BEGAIN: variants seen among roughly 807,000 people sequenced by gnomAD.
BEGAIN encodes the protein brain enriched guanylate kinase associated, also known as brain-enriched guanylate kinase-associated protein.
In BEGAIN, 19 loss-of-function variants were observed where a neutral mutation model predicts 35.8. The observed-to-expected ratio is 0.53, with a 90% confidence interval of 0.37 to 0.78. The LOEUF (loss-of-function observed/expected upper bound fraction) is 0.78. Ranked by LOEUF, BEGAIN falls within the 30% of genes least tolerant of loss-of-function variation. The pLI is 0.00. For missense variants in BEGAIN, 795 were observed against 853.6 expected (o/e 0.93, Z 0.85); for synonymous variants, 462 against 388.6 (o/e 1.19, Z -2.22).
In BEGAIN at chr14:100,568,062, C is replaced by G. The variant is rs1488985383; in HGVS notation, c.43-123G>C. ...CGCGGGGCCCCGTCCGTGGGAAGCC[C>G]GGCGCCGCGCGTCCCCAGCTTCCAG... On this transcript the variant is annotated intron_variant, in intron 1 of 6. Transcript: ENST00000554140. This position sits in a 1 kb window ranked among gnomAD's most constrained non-coding sequence, Gnocchi z 7.5. 2 of 1,098,276 alleles carry G rather than the reference C, an allele frequency of 1.8e-6. No homozygotes were observed. Among genetic ancestry groups the G allele is most frequent in the South Asian group, 8.7e-5 (2 of 23,074 alleles). 68.0% of individuals were successfully genotyped at this position (1,098,276 alleles called of 1,614,324 possible). A position where few individuals can be genotyped will look rare whatever the true frequency, so the allele number is the denominator to read the frequency against.
At position 100,554,824 on chromosome 14, in the gene BEGAIN, C is replaced by T. The variant is rs555473598; in HGVS notation, c.72-8162G>A. ...TACCAAGACTAAAAGGCCAGTTCCT[C>T]ACCCCAAATTCCTGTCCCCAGGGAC... On this transcript the variant is annotated intron_variant, in intron 2 of 6. Transcript: ENST00000554140. 1.4e-3 allele frequency among the ~76,000 whole-genome samples: 216 copies of T among 152,350 alleles called. 1 individual carries two copies. The highest frequency in any genetic ancestry group is 4.9e-3 in the African/African-American group (203 of 41,580).
In BEGAIN at chr14:100,538,935, C is replaced by G. The variant is rs988115362; in HGVS notation, c.873G>C (p.Glu291Asp). The change falls in exon 7 of 7, where the codon GAG (glutamate) becomes GAC (aspartate). Residue 291 changes from glutamate (E) to aspartate (D), a missense_variant. By Grantham distance (45) the Glu-to-Asp change is conservative. This residue lies in a region of BEGAIN where 664 missense variants were observed against 647.7 expected (regional missense o/e 1.03). Coordinates refer to ENST00000554140, the MANE Select transcript of BEGAIN (RefSeq NM_001385089.1). ...CCGCCGGGAAGGCCGCCGCCTCGGC[C>G]TCCTCCTCCTCCTCGGCCGCGCTGT... ...STDSAAEEEE[E>D]AEAAAFPAGF... 6.2e-6 allele frequency: 8 copies of G among 1,283,186 alleles called. No homozygotes were observed. Among genetic ancestry groups the G allele is most frequent in the Non-Finnish European group, 1.1e-6 (1 of 944,842 alleles). 79.5% of individuals were successfully genotyped at this position (1,283,186 alleles called of 1,614,324 possible).
At position 100,568,159 on chromosome 14, in the gene BEGAIN, C is replaced by T; in HGVS notation, c.43-220G>A. ...CGAGTAACAGGTGAGCCCGCCCGGGCCGCCGCGCTCCCCGCACCGAGTTAC... is the reference window on the plus strand; with the variant it reads ...CGAGTAACAGGTGAGCCCGCCCGGGTCGCCGCGCTCCCCGCACCGAGTTAC... On this transcript the variant is annotated intron_variant, in intron 1 of 6. Transcript: ENST00000554140. This position sits in a 1 kb window ranked among gnomAD's most constrained non-coding sequence, Gnocchi z 7.5. 1.1e-6 allele frequency: 1 copy of T among 917,946 alleles called. No individual in the cohort carries two copies. Among genetic ancestry groups the T allele is most frequent in the Non-Finnish European group, 1.3e-6 (1 of 764,480 alleles). 56.9% of individuals were successfully genotyped at this position (917,946 alleles called of 1,614,324 possible).
In BEGAIN at chr14:100,568,273, C is replaced by G. The variant is rs892961663; in HGVS notation, c.43-334G>C. ...CCGGAGGAGGGGGACTCGGCCTGTCCCCGTTAACTCTCCGGCGGCCGCGGC... is the reference window on the plus strand; with the variant it reads ...CCGGAGGAGGGGGACTCGGCCTGTCGCCGTTAACTCTCCGGCGGCCGCGGC... On this transcript the variant is annotated intron_variant, in intron 1 of 6. Transcript: ENST00000554140. The surrounding 1 kb of genome is among the most constrained non-coding windows in gnomAD (Gnocchi z 7.5). The G allele has an allele frequency of 1.5e-6, 1 of 682,652 alleles. No homozygotes were observed. The highest frequency in any genetic ancestry group is 2.1e-6 in the Non-Finnish European group (1 of 467,714). The allele number at this position is 682,652 out of a possible 1,614,324, so 42.3% of individuals were successfully genotyped here.
At chr14:100,585,464 C>T (rs1435236544) in intron 1 of BEGAIN, among the ~76,000 whole-genome samples, 2 of 142,096 alleles carry the variant, frequency 1.4e-5, no homozygotes, top group African/African-American at 5.4e-5. Flanking sequence ...ATCCATTCAT[C>T]CATCCATCCA....
At chr14:100,583,628 TTC>T (rs549314318) in intron 1 of BEGAIN, among the ~76,000 whole-genome samples, 12 of 150,672 alleles carry the variant, frequency 8.0e-5, no homozygotes, top group South Asian at 2.1e-4. Flanking sequence ...CTATCCCTCT[TTC>T]TCTCTTTCTT....
chr14:100,581,106 G>A (rs1001929502), intron 1 of BEGAIN, among the ~76,000 whole-genome samples: 3 of 152,122 alleles, frequency 2.0e-5, no homozygotes, highest in East Asian at 1.9e-4. Context: ...ACAGGCCTGC[G>A]GGCAAGCCAC....
intron 1 of BEGAIN, among the ~76,000 whole-genome samples, chr14:100,579,551 G>C (rs4905973): frequency 1 from 152,353 of 152,362 alleles, 76,172 homozygotes; most frequent in Non-Finnish European, 1. Flanking sequence ...TACCACCATC[G>C]CTGGCCTGGC....
intron 1 of BEGAIN, among the ~76,000 whole-genome samples, chr14:100,576,370 G>A (rs2035202720): frequency 6.6e-6 from 1 of 152,186 alleles, no homozygotes; most frequent in Non-Finnish European, 1.5e-5. Flanking sequence ...CCATGCACTG[G>A]GGACATAATG....
intron 2 of BEGAIN, among the ~76,000 whole-genome samples, chr14:100,561,703 G>C (rs1437034642): frequency 2.7e-5 from 4 of 149,026 alleles, no homozygotes; most frequent in Non-Finnish European, 1.5e-5. Context: ...CTGGCGGACA[G>C]AGCAAGACTG....
At chr14:100,574,588 C>T (rs773582317) in intron 1 of BEGAIN, among the ~76,000 whole-genome samples, 3 of 150,298 alleles carry the variant, frequency 2.0e-5, no homozygotes, top group African/African-American at 4.9e-5. Context: ...TTTTAAAATC[C>T]GTATTTTTGG....
intron 1 of BEGAIN, among the ~76,000 whole-genome samples, chr14:100,579,957 C>T (rs1197958861): frequency 1.3e-5 from 2 of 152,228 alleles, no homozygotes; most frequent in African/African-American, 2.4e-5. Context: ...CCTCCTGAGT[C>T]GATGCGGATC....
At chr14:100,543,792 A>C in intron 5 of BEGAIN, 66 bp downstream of exon 5, 1 of 1,282,934 alleles carries the variant, frequency 7.8e-7, no homozygotes, top group Non-Finnish European at 1.1e-6. Context: ...CTCCCAGTGC[A>C]TCCTGGGAAG....
In BEGAIN at chr14:100,537,867, C is replaced by CG. The variant is rs2030791199; in HGVS notation, c.*101dup. 7.0e-7 allele frequency: 1 copy of CG among 1,435,846 alleles called. No homozygotes were observed. The highest frequency in any genetic ancestry group is 1.4e-5 in the South Asian group (1 of 70,580). The allele number at this position is 1,435,846 out of a possible 1,614,324, so 88.9% of individuals were successfully genotyped here. A position where few individuals can be genotyped will look rare whatever the true frequency, so the allele number is the denominator to read the frequency against. Reference sequence around the variant, plus strand: ...GAGGAACAGACTCCTCGTTGTTGGCCGGGGCAGGGGAACAGCGGGGGCTGG... The same window carrying CG: ...GAGGAACAGACTCCTCGTTGTTGGCCGGGGGCAGGGGAACAGCGGGGGCTGG... On this transcript the variant is annotated 3_prime_UTR_variant, in exon 7 of 7. Coordinates refer to ENST00000554140, the MANE Select transcript of BEGAIN (RefSeq NM_001385089.1).
chr14:100,550,298 C>A, intron 2 of BEGAIN: 1 of 397,162 alleles, frequency 2.5e-6, no homozygotes, highest in East Asian at 3.6e-5. Flanking sequence ...CCGGCCCACG[C>A]CTTCACCTTC....
intron 1 of BEGAIN, among the ~76,000 whole-genome samples, chr14:100,581,491 CTT>C (rs1228815054): frequency 2.0e-5 from 3 of 152,200 alleles, no homozygotes; most frequent in Non-Finnish European, 4.4e-5. Context: ...GCCCCTGCCT[CTT>C]GACTCATCTG....
intron 1 of BEGAIN, among the ~76,000 whole-genome samples, chr14:100,570,219 A>G (rs748309936): frequency 6.6e-6 from 1 of 152,246 alleles, no homozygotes. Context: ...AATTATTTAC[A>G]TTGAATGTTT....
chr14:100,560,716 G>T (rs1566973252), intron 2 of BEGAIN, among the ~76,000 whole-genome samples: 1 of 152,202 alleles, frequency 6.6e-6, no homozygotes, highest in Admixed American at 6.5e-5. Context: ...TAGTGGCCAC[G>T]AGGGCAGAGG....
At chr14:100,540,145 G>A (rs1285411774) in intron 6 of BEGAIN, 3 of 262,264 alleles carry the variant, frequency 1.1e-5, no homozygotes, top group East Asian at 7.2e-5. Context: ...GCCGGTCATC[G>A]TGCCCAGCCA....
Sources: gnomAD v4.1 joint callset for allele counts (sites outside exome capture counted in the v4.1 genomes callset) on GRCh38, gnomAD v4.1.1 for gene constraint, gnomAD v4.1.1 regional missense constraint, Gnocchi (gnomAD v3.1) non-coding constraint, MANE v1.5 for transcripts, NCBI Gene and HGNC (gene_info 2026-07-23, HGNC 2026-07-21) for gene names.